Variants in FAM186A observed in about 807,000 individuals in gnomAD.
FAM186A encodes family with sequence similarity 186 member A, also known as protein FAM186A.
FAM186A carries 163 observed loss-of-function variants against 216.8 expected under a neutral mutation model. That is an observed-to-expected ratio of 0.75 (90% CI 0.66 to 0.86). FAM186A has a LOEUF of 0.86. Ranked by LOEUF, FAM186A falls within the 40% of genes least tolerant of loss-of-function variation. FAM186A has a pLI of 0.00. For synonymous variants in FAM186A, 805 were observed against 1,025.3 expected, an observed-to-expected ratio of 0.79 and a Z score of 4.10; for missense variants, 2,184 against 2,746.2, an observed-to-expected ratio of 0.80 and a Z score of 4.58.
intron 2 of FAM186A, among the ~76,000 whole-genome samples, chr12:50,361,488 C>G (rs1943034934): frequency 6.6e-6 from 1 of 151,492 alleles, no homozygotes; most frequent in South Asian, 2.1e-4. Flanking sequence ...CATGAGCCAC[C>G]ACACCCGGCC....
At chr12:50,372,995 GAATGAAAGAAAGAAAGA>G (rs1422655162) in intron 1 of FAM186A, among the ~76,000 whole-genome samples, 1 of 12,518 alleles carries the variant, frequency 8.0e-5, no homozygotes, top group East Asian at 3.3e-3. Context: ...AGGAAGGAAG[GAATGAAAGAAAGAAAGA>G]AAGAAAGAAA....
intron 1 of FAM186A, among the ~76,000 whole-genome samples, chr12:50,391,766 T>C (rs1943359574): frequency 6.6e-6 from 1 of 152,166 alleles, no homozygotes; most frequent in Non-Finnish European, 1.5e-5. Context: ...CAACTGCAGC[T>C]GGCCTAGTAG....
At chr12:50,391,629 A>G (rs1028481685) in intron 1 of FAM186A, among the ~76,000 whole-genome samples, 4 of 139,066 alleles carry the variant, frequency 2.9e-5, no homozygotes, top group Non-Finnish European at 4.7e-5. Context: ...TATTTTTTTG[A>G]CAGTCTCACT....
chr12:50,369,817 C>T (rs936218629), intron 1 of FAM186A, among the ~76,000 whole-genome samples: 4 of 152,004 alleles, frequency 2.6e-5, no homozygotes, highest in African/African-American at 4.8e-5. Context: ...TGTGAAACCC[C>T]ATCCCTACTA....
chr12:50,359,581 C>T (rs1010972674), intron 3 of FAM186A, among the ~76,000 whole-genome samples: 2 of 151,802 alleles, frequency 1.3e-5, no homozygotes, highest in African/African-American at 2.4e-5. Context: ...TCTACCCCCC[C>T]AAAAAAAATG....
At chr12:50,375,582 T>C (rs921471185) in intron 1 of FAM186A, among the ~76,000 whole-genome samples, 1 of 145,466 alleles carries the variant, frequency 6.9e-6, no homozygotes. Context: ...CCAGGTATGG[T>C]GGTGCATACC....
At chr12:50,366,328 C>T (rs557471351) in intron 1 of FAM186A, among the ~76,000 whole-genome samples, 2 of 152,240 alleles carry the variant, frequency 1.3e-5, no homozygotes, top group South Asian at 2.1e-4. Context: ...AGAAAAGATA[C>T]TACTAACTCC....
chr12:50,361,568 CTT>C (rs55919945), intron 2 of FAM186A, among the ~76,000 whole-genome samples: 126,592 of 133,334 alleles, frequency 0.95, 60,348 homozygotes, highest in Non-Finnish European at 0.99. Context: ...ATCCAGTTGT[CTT>C]TTTTTTTTTT....
chr12:50,380,657 C>G (rs1943245922), intron 1 of FAM186A, among the ~76,000 whole-genome samples: 1 of 151,300 alleles, frequency 6.6e-6, no homozygotes. Context: ...GATCATGCCA[C>G]TGCATTCCAG....
At position 50,327,401 on chromosome 12, in the gene FAM186A, A is replaced by G. The variant is rs1942616120; in HGVS notation, c.7038T>C (p.Val2346=). 6.5e-7 allele frequency: 1 copy of G among 1,547,348 alleles called. No homozygotes were observed. Among genetic ancestry groups the G allele is most frequent in the Middle Eastern group, 1.9e-4 (1 of 5,334 alleles). The part of the protein sequence containing the change: ...RKSLASLQSR[V]KKIPK Reference sequence around the variant, plus strand: ...TTTACAGTCATTTGGGAATCTTCTTAACCCTGGAAATGAGACAAGAAAATT... The same window carrying G: ...TTTACAGTCATTTGGGAATCTTCTTGACCCTGGAAATGAGACAAGAAAATT... Residue 2346 remains valine, a synonymous_variant, in exon 8 of 8, where the codon GTT becomes GTC. Coordinates refer to ENST00000327337, the MANE Select transcript of FAM186A (RefSeq NM_001145475.3).
chr12:50,346,406 A>G (rs1942818201), intron 4 of FAM186A, among the ~76,000 whole-genome samples: 1 of 151,830 alleles, frequency 6.6e-6, no homozygotes, highest in South Asian at 2.1e-4. Flanking sequence ...TAATTTTTGT[A>G]TTTTTATTAG....
At chr12:50,384,709 A>G (rs1033506594) in intron 1 of FAM186A, among the ~76,000 whole-genome samples, 7 of 152,214 alleles carry the variant, frequency 4.6e-5, no homozygotes, top group Admixed American at 6.5e-5. Flanking sequence ...GAGTCTCTTC[A>G]ATAAATGGTG....
At chr12:50,391,340 CAG>C (rs1943355172) in intron 1 of FAM186A, among the ~76,000 whole-genome samples, 1 of 149,376 alleles carries the variant, frequency 6.7e-6, no homozygotes, top group Non-Finnish European at 1.5e-5. Context: ...TTTTTTGAGA[CAG>C]AGTCTCGCTG....
At chr12:50,343,726 C>A (rs1286345754) in intron 4 of FAM186A, among the ~76,000 whole-genome samples, 2 of 152,236 alleles carry the variant, frequency 1.3e-5, no homozygotes, top group African/African-American at 4.8e-5. Context: ...TCAAGCCATT[C>A]TCCTGCCTCA....
chr12:50,393,676 A>ATTTATACACCCCATTATTGTATTTTTG (rs1395289840), intron 1 of FAM186A, among the ~76,000 whole-genome samples: 3 of 151,926 alleles, frequency 2.0e-5, no homozygotes, highest in African/African-American at 7.3e-5. Context: ...GTGAAACCCC[A>ATTTATACACCCCATTATTGTATTTTTG]TTTATACAAA....
At chr12:50,378,374 A>C (rs1029258123) in intron 1 of FAM186A, among the ~76,000 whole-genome samples, 2 of 151,314 alleles carry the variant, frequency 1.3e-5, no homozygotes, top group African/African-American at 4.9e-5. Flanking sequence ...ACTAAAAAGT[A>C]CAAAAATTAG....
intron 2 of FAM186A, among the ~76,000 whole-genome samples, chr12:50,362,313 G>A (rs1592618331): frequency 6.6e-6 from 1 of 152,182 alleles, no homozygotes; most frequent in Non-Finnish European, 1.5e-5. Context: ...CTACTCTGAC[G>A]TGTGCTATTC....
At chr12:50,342,511 G>A (rs1942774013) in intron 4 of FAM186A, among the ~76,000 whole-genome samples, 1 of 147,692 alleles carries the variant, frequency 6.8e-6, no homozygotes, top group Non-Finnish European at 1.5e-5. Context: ...GTCTCGCTCT[G>A]TTGCCCAGGC....
chr12:50,330,999 C>A (rs1942651299), intron 6 of FAM186A, among the ~76,000 whole-genome samples: 1 of 152,094 alleles, frequency 6.6e-6, no homozygotes, highest in Admixed American at 6.6e-5. Flanking sequence ...ACCATTTTAG[C>A]TTCATGGCGT....
Sources: allele counts gnomAD v4.1 joint callset (sites outside exome capture counted in the v4.1 genomes callset), GRCh38; gene constraint gnomAD v4.1.1; transcripts MANE v1.5; gene names NCBI Gene and HGNC (gene_info 2026-07-23, HGNC 2026-07-21).